The following DDO variants were observed in gnomAD, a reference collection of about 807,000 sequenced individuals.
DDO encodes D-aspartate oxidase, also known as D-aspartate oxidase, DDO.
Under a neutral mutation model 16.8 loss-of-function variants are expected in DDO, and 16 were observed. The observed-to-expected ratio is 0.95, with a 90% CI of 0.65 to 1.45. The LOEUF (loss-of-function observed/expected upper bound fraction) is 1.45. Ranked by LOEUF, DDO falls within the 40% of genes most tolerant of loss-of-function variation. The pLI, the probability that DDO is intolerant of heterozygous loss-of-function variation, is 0.00. For missense variants in DDO, 429 were observed against 420.3 expected (o/e 1.02, Z -0.18); for synonymous variants, 180 against 167.2 (o/e 1.08, Z -0.59).
At position 110,392,569 on chromosome 6, in the gene DDO, C is replaced by G. The variant is rs533905562; in HGVS notation, c.*206G>C. The G allele has an allele frequency of 2.4e-6, 3 of 1,242,912 alleles. No homozygotes were observed. The Admixed American group carries it at 1.2e-4, about 50-fold the overall frequency. 77.0% of individuals were successfully genotyped at this position (1,242,912 alleles called of 1,614,324 possible). On this transcript the variant is annotated 3_prime_UTR_variant, in exon 5 of 5. Transcript: ENST00000368924. ...TGTTACCCAGATTGCACTCAAACTC[C>G]TGGGCTCAACAATCCTCCTGCCTCA...
chr6:110,414,512 G>A (rs78352799), intron 1 of DDO, among the ~76,000 whole-genome samples: 127 of 152,362 alleles, frequency 8.3e-4, no homozygotes, highest in African/African-American at 3.0e-3. Flanking sequence ...CCCGGAGCCC[G>A]GGCCAGGTGT....
At chr6:110,400,342 C>CCGGG (rs1554220561) in intron 4 of DDO, among the ~76,000 whole-genome samples, 1 of 76,988 alleles carries the variant, frequency 1.3e-5, no homozygotes, top group Non-Finnish European at 2.5e-5. Flanking sequence ...CAGGAGCGGG[C>CCGGG]CGGGGCGGGG....
At chr6:110,396,090 A>G (rs937326719) in intron 4 of DDO, among the ~76,000 whole-genome samples, 5 of 152,234 alleles carry the variant, frequency 3.3e-5, no homozygotes, top group African/African-American at 1.2e-4. Context: ...GGAAGAGACC[A>G]AGATTGCTAC....
intron 3 of DDO, among the ~76,000 whole-genome samples, chr6:110,406,563 AT>A (rs1452997074): frequency 6.6e-6 from 1 of 152,168 alleles, no homozygotes; most frequent in African/African-American, 2.4e-5. Context: ...TAGAAAACAT[AT>A]TTTTGAAATG....
At chr6:110,394,704 C>A (rs1328982497) in intron 4 of DDO, among the ~76,000 whole-genome samples, 1 of 152,190 alleles carries the variant, frequency 6.6e-6, no homozygotes, top group Admixed American at 6.5e-5. Context: ...GAAAGCCTGG[C>A]TTTATATCCC....
chr6:110,403,042 T>G lies in DDO; in HGVS notation c.458+1732A>C, dbSNP rs138947178. Reference sequence around the variant, plus strand: ...AAACTTCAGCCCAAACCACTAATAATACCAAAAAAAGTTAAACTCCTTAAT... The same window carrying G: ...AAACTTCAGCCCAAACCACTAATAAGACCAAAAAAAGTTAAACTCCTTAAT... On this transcript the variant is annotated intron_variant, in intron 4 of 4. Coordinates refer to ENST00000368924, the MANE Select transcript of DDO (RefSeq NM_001372108.2). Among the ~76,000 whole-genome samples the G allele has an allele frequency of 1.2e-4, 19 of 152,208 alleles. 1 individual carries two copies. The East Asian group carries it at 3.1e-3, about 25-fold the overall frequency.
chr6:110,390,403 C>T (rs1773079901), downstream of DDO, among the ~76,000 whole-genome samples: 2 of 152,206 alleles, frequency 1.3e-5, no homozygotes, highest in Admixed American at 1.3e-4. Flanking sequence ...AAGTTGCAGC[C>T]CAGGTTGGCA....
intron 4 of DDO, 39 bp downstream of exon 4, chr6:110,404,735 A>T (rs774346433): frequency 6.9e-6 from 11 of 1,605,076 alleles, no homozygotes; most frequent in Non-Finnish European, 9.4e-6. Context: ...ATTTATGGCT[A>T]TGACAGATAA....
intron 3 of DDO, among the ~76,000 whole-genome samples, chr6:110,406,305 A>C (rs1773653873): frequency 6.6e-6 from 1 of 152,050 alleles, no homozygotes; most frequent in Admixed American, 6.6e-5. Flanking sequence ...ATGCACACAC[A>C]CACATCCACT....
Position 110,393,347 on chromosome 6 carries a change from G to A in DDO, c.459-5C>T, listed in dbSNP as rs190544646. ...CAGCCTCCACTTCCCTTTATCCTAC[G>A]GAAGAGAGGCCATGAAGTGAATATT... On this transcript the variant is annotated splice_polypyrimidine_tract_variant and splice_region_variant and intron_variant, in intron 4 of 4. Coordinates refer to ENST00000368924, the MANE Select transcript of DDO (RefSeq NM_001372108.2). 2.6e-4 allele frequency: 411 copies of A among 1,580,926 alleles called. 2 individuals carry two copies. In the Middle Eastern group the frequency reaches 3.5e-3, roughly 14 times the overall value.
chr6:110,407,216 G>T (rs548036473), intron 3 of DDO, among the ~76,000 whole-genome samples: 55 of 152,280 alleles, frequency 3.6e-4, no homozygotes, highest in African/African-American at 1.3e-3. Flanking sequence ...GCCAAAATTT[G>T]TGAATTAGAC....
chr6:110,389,442 T>C (rs147699543), downstream of DDO, among the ~76,000 whole-genome samples: 298 of 152,374 alleles, frequency 2.0e-3, 5 homozygotes, highest in Non-Finnish European at 8.1e-4. Context: ...CTGACTAATA[T>C]ACCAGTCAAA....
intron 2 of DDO, among the ~76,000 whole-genome samples, chr6:110,408,778 C>G (rs998746991): frequency 6.6e-6 from 1 of 152,204 alleles, no homozygotes; most frequent in Non-Finnish European, 1.5e-5. Flanking sequence ...AGGTCTATAA[C>G]CAACCTGAGC....
intron 1 of DDO, among the ~76,000 whole-genome samples, chr6:110,414,973 C>T (rs74712686): frequency 0.014 from 2,098 of 152,362 alleles, 38 homozygotes; most frequent in African/African-American, 0.049. Context: ...TGAAGATTCT[C>T]GCACTATGAG....
intron 3 of DDO, among the ~76,000 whole-genome samples, chr6:110,407,773 T>C (rs1443602201): frequency 6.6e-6 from 1 of 152,252 alleles, no homozygotes; most frequent in African/African-American, 2.4e-5. Flanking sequence ...AATTTTCATT[T>C]AATTATGCAT....
chr6:110,404,898 C>G lies in DDO; in HGVS notation c.334G>C (p.Val112Leu). The G allele has an allele frequency of 6.2e-7, 1 of 1,614,206 alleles. No individual in the cohort carries two copies. Among genetic ancestry groups the G allele is most frequent in the Non-Finnish European group, 8.5e-7 (1 of 1,180,034 alleles). ...GTCATCTTTCGAAATCCCAGAACCA[C>G]GTCAGCCCAGAATGGCACTTCTTCA... ...PTEEVPFWAD[V>L]VLGFRKMTEA... The change falls in exon 4 of 5, where the codon GTG (valine) becomes CTG (leucine). Residue 112 changes from valine to leucine, a missense_variant. By Grantham distance (32) the Val-to-Leu change is conservative. Coordinates refer to ENST00000368924, the MANE Select transcript of DDO (RefSeq NM_001372108.2).
In DDO at chr6:110,404,901, C is replaced by T. The variant is rs1415199995; in HGVS notation, c.331G>A (p.Asp111Asn). 6.2e-7 allele frequency: 1 copy of T among 1,614,108 alleles called. No homozygotes were observed. The highest frequency in any genetic ancestry group is 1.7e-5 in the Admixed American group (1 of 60,012). ...TPTEEVPFWA[D>N]VVLGFRKMTE... is the part of the protein sequence containing the mutation. ...ATCTTTCGAAATCCCAGAACCACGTCAGCCCAGAATGGCACTTCTTCAGTC... is the reference window on the plus strand; with the variant it reads ...ATCTTTCGAAATCCCAGAACCACGTTAGCCCAGAATGGCACTTCTTCAGTC... Residue 111 changes from aspartate to asparagine, a missense_variant, in exon 4 of 5, where the codon GAC (aspartate) becomes AAC (asparagine). Coordinates refer to ENST00000368924, the MANE Select transcript of DDO (RefSeq NM_001372108.2).
At chr6:110,397,605 A>G (rs1773331531) in intron 4 of DDO, among the ~76,000 whole-genome samples, 1 of 152,206 alleles carries the variant, frequency 6.6e-6, no homozygotes, top group Admixed American at 6.5e-5. Context: ...GGTTTTTATG[A>G]TGATTATGCA....
chr6:110,408,561 G>A (rs768365953), intron 2 of DDO, 119 bp from the exon 3 acceptor site: 20 of 763,956 alleles, frequency 2.6e-5, no homozygotes, highest in Non-Finnish European at 3.1e-5. Context: ...AATAAAATAA[G>A]GAGGCAGGGA....
Sources: allele counts gnomAD v4.1 joint callset (sites outside exome capture counted in the v4.1 genomes callset), GRCh38; gene constraint gnomAD v4.1.1; transcripts MANE v1.5; gene names NCBI Gene and HGNC (gene_info 2026-07-23, HGNC 2026-07-21).